Variants in CTNND2 observed in about 807,000 individuals in gnomAD.
CTNND2 encodes catenin delta-2.
A neutral mutation model predicts 144.4 loss-of-function variants in CTNND2; 22 were observed. The observed-to-expected ratio is 0.15, with a 90% CI of 0.11 to 0.22. The LOEUF is 0.22. Ranked by LOEUF, CTNND2 falls within the 10% of genes least tolerant of loss-of-function variation. The pLI, the probability that CTNND2 is intolerant of heterozygous loss-of-function variation, is 1.00. For synonymous variants in CTNND2, 751 were observed against 695.6 expected, an observed-to-expected ratio of 1.08 and a Z score of -1.25; for missense variants, 1,353 against 1,618.8, an observed-to-expected ratio of 0.84 and a Z score of 2.82.
At chr5:11,243,738 T>C (rs1742692664) in intron 9 of CTNND2, among the ~76,000 whole-genome samples, 1 of 152,230 alleles carries the variant, frequency 6.6e-6, no homozygotes, top group African/African-American at 2.4e-5. Context: ...CAACAGTTCA[T>C]GACTATGTTC....
chr5:11,784,025 G>A (rs1480027774), intron 1 of CTNND2, among the ~76,000 whole-genome samples: 2 of 152,164 alleles, frequency 1.3e-5, no homozygotes, highest in Admixed American at 1.3e-4. Flanking sequence ...CACATACCAT[G>A]TCCACAAAAG....
intron 2 of CTNND2, among the ~76,000 whole-genome samples, chr5:11,600,906 A>G (rs1779758768): frequency 6.6e-6 from 1 of 152,088 alleles, no homozygotes; most frequent in African/African-American, 2.4e-5. Flanking sequence ...GTCATCCATG[A>G]GTGCTTGCCT....
At chr5:11,851,045 C>A (rs1371455367) in intron 1 of CTNND2, among the ~76,000 whole-genome samples, 2 of 152,114 alleles carry the variant, frequency 1.3e-5, no homozygotes, top group East Asian at 1.9e-4. Context: ...ACGGAGGTCC[C>A]CCAAAATCAG....
intron 21 of CTNND2, among the ~76,000 whole-genome samples, chr5:10,977,441 G>T (rs762324284): frequency 2.0e-5 from 3 of 151,962 alleles, no homozygotes; most frequent in African/African-American, 7.2e-5. Context: ...TGTTTGGAAA[G>T]TATGCATAGT....
chr5:11,192,717 C>G (rs2149816647), intron 11 of CTNND2, among the ~76,000 whole-genome samples: 1 of 152,274 alleles, frequency 6.6e-6, no homozygotes, highest in Admixed American at 6.5e-5. Context: ...CCTAGAGCGT[C>G]CTGAAAGCAA....
At chr5:11,226,582 A>G (rs1231859398) in intron 10 of CTNND2, among the ~76,000 whole-genome samples, 2 of 152,264 alleles carry the variant, frequency 1.3e-5, no homozygotes, top group Non-Finnish European at 2.9e-5. Flanking sequence ...ATGGCGTCCA[A>G]CAAAGAGAGA....
rs1290105387 is a variant in CTNND2 at position 11,129,167 on chromosome 5, T to C, written c.2160-11600A>G. On this transcript the variant is annotated intron_variant, in intron 12 of 21. Coordinates refer to ENST00000304623, the MANE Select transcript of CTNND2 (RefSeq NM_001332.4). ...ATATATAAAATATACATATATTATA[T>C]ATTATATATTTTATATATAATATAT... Among the ~76,000 whole-genome samples, 2 of 21,342 alleles carry C rather than the reference T, an allele frequency of 9.4e-5. 1 individual carries two copies. The highest frequency in any genetic ancestry group is 6.3e-3 in the East Asian group (2 of 320). The allele number at this position is 21,342 out of a possible 152,430, so 14.0% of individuals were successfully genotyped here. A position where few individuals can be genotyped will look rare whatever the true frequency, so the allele number is the denominator to read the frequency against.
At chr5:11,896,429 C>CTACT (rs1182164448) in intron 1 of CTNND2, among the ~76,000 whole-genome samples, 2 of 152,082 alleles carry the variant, frequency 1.3e-5, no homozygotes, top group Non-Finnish European at 2.9e-5. Context: ...TGAGCATGCA[C>CTACT]TACTTTTGAA....
intron 2 of CTNND2, among the ~76,000 whole-genome samples, chr5:11,586,234 C>G (rs1778854242): frequency 6.6e-6 from 1 of 152,142 alleles, no homozygotes; most frequent in African/African-American, 2.4e-5. Context: ...TATAAGCTAT[C>G]TCACTGTTCA....
At chr5:11,529,433 CAAG>C (rs1038801615) in intron 3 of CTNND2, among the ~76,000 whole-genome samples, 1 of 152,146 alleles carries the variant, frequency 6.6e-6, no homozygotes, top group South Asian at 2.1e-4. Flanking sequence ...AGTTCATAAA[CAAG>C]AAATACACAC....
chr5:11,763,180 T>G (rs530801879), intron 1 of CTNND2, among the ~76,000 whole-genome samples: 1 of 152,328 alleles, frequency 6.6e-6, no homozygotes, highest in South Asian at 2.1e-4. Flanking sequence ...GTATGTTTCC[T>G]GAGGCCTCTC....
intron 13 of CTNND2, 65 bp from the exon 14 acceptor site, chr5:11,111,108 A>C: frequency 6.6e-7 from 1 of 1,506,206 alleles, no homozygotes; most frequent in Middle Eastern, 2.1e-4. Context: ...CCATTCTTCC[A>C]CCTGGAAAGG....
chr5:11,601,977 G>T (rs888765956), intron 2 of CTNND2, among the ~76,000 whole-genome samples: 1 of 151,942 alleles, frequency 6.6e-6, no homozygotes, highest in African/African-American at 2.4e-5. Context: ...AGAAGATTTC[G>T]CCAGGTGGGG....
Position 11,380,708 on chromosome 5 carries a change from G to A in CTNND2, c.1177+3957C>T, listed in dbSNP as rs190681109. Among the ~76,000 whole-genome samples, 37 of 152,308 alleles carry A rather than the reference G, an allele frequency of 2.4e-4. 1 individual carries two copies. The highest frequency in any genetic ancestry group is 8.4e-4 in the African/African-American group (35 of 41,564). The stretch of plus-strand genomic sequence containing the variant: ...TTTCCCAGAGAGTCAGAACTCTGAC[G>A]TTTGTGGTCAGATTTTCTAAGGTTT... On this transcript the variant is annotated intron_variant, in intron 7 of 21. Coordinates refer to ENST00000304623, the MANE Select transcript of CTNND2 (RefSeq NM_001332.4).
chr5:11,637,944 C>G (rs1443580788), intron 2 of CTNND2, among the ~76,000 whole-genome samples: 1 of 152,016 alleles, frequency 6.6e-6, no homozygotes, highest in Non-Finnish European at 1.5e-5. Flanking sequence ...AAACGAATAC[C>G]GTATCAGTCA....
chr5:11,203,050 C>T (rs1737646384), intron 10 of CTNND2, among the ~76,000 whole-genome samples: 1 of 152,150 alleles, frequency 6.6e-6, no homozygotes, highest in African/African-American at 2.4e-5. Flanking sequence ...GGTGATCTGC[C>T]TGCCTCGGCC....
intron 9 of CTNND2, among the ~76,000 whole-genome samples, chr5:11,281,775 A>G (rs555802944): frequency 1.3e-5 from 2 of 152,202 alleles, no homozygotes; most frequent in South Asian, 2.1e-4. Context: ...CTCTTCTTAT[A>G]AGGACACCAG....
At chr5:11,180,926 C>T (rs1760929260) in intron 11 of CTNND2, among the ~76,000 whole-genome samples, 1 of 152,178 alleles carries the variant, frequency 6.6e-6, no homozygotes, top group African/African-American at 2.4e-5. Flanking sequence ...CTCCCGGTTG[C>T]CTGAGGATGT....
intron 16 of CTNND2, among the ~76,000 whole-genome samples, chr5:11,052,240 CA>C (rs1280758837): frequency 2.0e-5 from 3 of 152,086 alleles, no homozygotes; most frequent in Non-Finnish European, 4.4e-5. Context: ...CATGATGAAA[CA>C]GAGCAATTTT....
Sources: allele counts gnomAD v4.1 joint callset (sites outside exome capture counted in the v4.1 genomes callset), GRCh38; gene constraint gnomAD v4.1.1; transcripts MANE v1.5; gene names NCBI Gene and HGNC (gene_info 2026-07-23, HGNC 2026-07-21).